Variants in THSD7B observed in about 807,000 individuals in gnomAD.
THSD7B encodes the protein thrombospondin type 1 domain containing 7B.
THSD7B carries 138 observed loss-of-function variants against 213.6 expected under a neutral mutation model. That is an observed-to-expected ratio of 0.65 (90% CI 0.56 to 0.74). The LOEUF is 0.74. Ranked by LOEUF, THSD7B falls within the 30% of genes least tolerant of loss-of-function variation. The pLI is 0.00. For synonymous variants in THSD7B, 742 were observed against 687.0 expected, an observed-to-expected ratio of 1.08 and a Z score of -1.25; for missense variants, 1,931 against 1,991.5, an observed-to-expected ratio of 0.97 and a Z score of 0.58.
intron 2 of THSD7B, among the ~76,000 whole-genome samples, chr2:136,888,329 A>G (rs1897086): frequency 0.91 from 138,674 of 152,070 alleles, 63,465 homozygotes; most frequent in East Asian, 1. Flanking sequence ...TGAAAATTGC[A>G]TTGCATAAGG....
intron 1 of THSD7B, among the ~76,000 whole-genome samples, chr2:136,810,518 G>A (rs1393190783): frequency 6.6e-6 from 1 of 152,172 alleles, no homozygotes; most frequent in Non-Finnish European, 1.5e-5. Flanking sequence ...AACTATAAAA[G>A]ATACATCATA....
At chr2:136,900,121 G>A (rs190139492) in intron 2 of THSD7B, among the ~76,000 whole-genome samples, 1 of 152,176 alleles carries the variant, frequency 6.6e-6, no homozygotes, top group Non-Finnish European at 1.5e-5. Flanking sequence ...AAGAGAATCC[G>A]ATCTGAACAC....
chr2:137,614,065 A>G (rs1031405917), intron 17 of THSD7B, among the ~76,000 whole-genome samples: 2 of 152,090 alleles, frequency 1.3e-5, no homozygotes, highest in Admixed American at 6.5e-5. Flanking sequence ...CACCTACACA[A>G]TCCTCTTTGC....
chr2:136,949,440 G>C (rs957710129), intron 2 of THSD7B, among the ~76,000 whole-genome samples: 3 of 152,186 alleles, frequency 2.0e-5, no homozygotes, highest in Non-Finnish European at 2.9e-5. Flanking sequence ...AGCTGGACTT[G>C]TTTGAAGCCA....
intron 27 of THSD7B, among the ~76,000 whole-genome samples, chr2:137,669,799 G>T (rs150726825): frequency 2.6e-5 from 4 of 152,086 alleles, no homozygotes; most frequent in Non-Finnish European, 5.9e-5. Context: ...AAAAATTTAC[G>T]TGTAGTAACA....
At chr2:137,054,449 G>A (rs9287459) in intron 2 of THSD7B, among the ~76,000 whole-genome samples, 33,573 of 152,118 alleles carry the variant, frequency 0.22, 4,094 homozygotes, top group African/African-American at 0.33. Flanking sequence ...CATTAGAACC[G>A]GACCCTTTTG....
chr2:137,160,711 C>A (rs530540461), intron 6 of THSD7B, among the ~76,000 whole-genome samples: 4 of 152,214 alleles, frequency 2.6e-5, no homozygotes, highest in Non-Finnish European at 5.9e-5. Flanking sequence ...GCAATCTCTG[C>A]CTCCTGGGTT....
chr2:137,323,662 T>A (rs1684309867), intron 12 of THSD7B, among the ~76,000 whole-genome samples: 1 of 152,188 alleles, frequency 6.6e-6, no homozygotes, highest in South Asian at 2.1e-4. Context: ...AGCGACTAAG[T>A]GAGTGTTTAG....
intron 15 of THSD7B, among the ~76,000 whole-genome samples, chr2:137,482,859 G>A (rs1199143508): frequency 6.6e-6 from 1 of 152,180 alleles, no homozygotes; most frequent in Admixed American, 6.5e-5. Context: ...CAGGAAGTGG[G>A]TGGGAGATCC....
intron 2 of THSD7B, among the ~76,000 whole-genome samples, chr2:136,978,311 A>C (rs546232114): frequency 6.6e-6 from 1 of 152,188 alleles, no homozygotes; most frequent in East Asian, 1.9e-4. Flanking sequence ...AGTTCCATTT[A>C]ATCCAGAGCT....
At chr2:136,939,114 A>T (rs915417185) in intron 2 of THSD7B, among the ~76,000 whole-genome samples, 1 of 152,082 alleles carries the variant, frequency 6.6e-6, no homozygotes, top group Non-Finnish European at 1.5e-5. Flanking sequence ...GCAGATTTTA[A>T]TAAGAACGAC....
intron 3 of THSD7B, among the ~76,000 whole-genome samples, chr2:137,083,503 C>A (rs1687783621): frequency 6.6e-6 from 1 of 152,106 alleles, no homozygotes. Context: ...AGGGTTGTAA[C>A]ATAAACCTTG....
chr2:137,223,865 G>A (rs925547639), intron 7 of THSD7B, among the ~76,000 whole-genome samples: 3 of 152,108 alleles, frequency 2.0e-5, no homozygotes, highest in Non-Finnish European at 4.4e-5. Flanking sequence ...GAGTTCTCAT[G>A]TGATGTGGTT....
intron 17 of THSD7B, among the ~76,000 whole-genome samples, chr2:137,604,604 C>T (rs1256451447): frequency 1.3e-5 from 2 of 152,150 alleles, no homozygotes; most frequent in Non-Finnish European, 2.9e-5. Context: ...TAAAAAATCA[C>T]TTATTCCCAT....
chr2:137,669,463 T>G (rs1448340863), intron 27 of THSD7B, among the ~76,000 whole-genome samples: 1 of 152,212 alleles, frequency 6.6e-6, no homozygotes, highest in Non-Finnish European at 1.5e-5. Flanking sequence ...TTTTCTTTAT[T>G]CAAATTGATG....
At chr2:137,436,726 C>T (rs1287976853) in intron 14 of THSD7B, among the ~76,000 whole-genome samples, 1 of 152,076 alleles carries the variant, frequency 6.6e-6, no homozygotes, top group Admixed American at 6.6e-5. Context: ...TACAAACAAA[C>T]CGTAAAAACA....
chr2:137,334,339 C>T (rs189890566), intron 12 of THSD7B, among the ~76,000 whole-genome samples: 17 of 152,250 alleles, frequency 1.1e-4, no homozygotes, highest in African/African-American at 3.6e-4. Context: ...CATCCCAGCT[C>T]AGCATGAACT....
chr2:137,081,300 T>A (rs2104904825), intron 3 of THSD7B, among the ~76,000 whole-genome samples: 1 of 152,262 alleles, frequency 6.6e-6, no homozygotes, highest in Admixed American at 6.5e-5. Context: ...TTTGGTCAGA[T>A]GTTTTAATTT....
intron 2 of THSD7B, among the ~76,000 whole-genome samples, chr2:136,920,981 G>A (rs996332104): frequency 3.3e-5 from 5 of 152,084 alleles, no homozygotes; most frequent in Admixed American, 2.6e-4. Context: ...CAGGGGTTGG[G>A]GGCTTCCTGG....
Sources: allele counts gnomAD v4.1 joint callset (sites outside exome capture counted in the v4.1 genomes callset), GRCh38; gene constraint gnomAD v4.1.1; transcripts MANE v1.5; gene names NCBI Gene and HGNC (gene_info 2026-07-23, HGNC 2026-07-21).